Variants in MATN2 observed in about 807,000 individuals in gnomAD.
The protein encoded by MATN2 is matrilin 2.
MATN2 carries 69 observed loss-of-function variants against 103.2 expected under a neutral mutation model. That is an observed-to-expected ratio of 0.67 (90% CI 0.55 to 0.82). The LOEUF is 0.82. MATN2 is among the 40% of genes least tolerant of loss of function. The pLI is 0.00. For missense variants in MATN2, 1,023 were observed against 1,211.5 expected (o/e 0.84, Z 2.31); for synonymous variants, 429 against 450.2 (o/e 0.95, Z 0.60).
intron 5 of MATN2, among the ~76,000 whole-genome samples, chr8:97,969,232 C>T (rs1811580818): frequency 6.6e-6 from 1 of 152,160 alleles, no homozygotes; most frequent in Non-Finnish European, 1.5e-5. Context: ...CCCTGTGATC[C>T]AATACTTCCC....
At chr8:97,976,915 G>C (rs866998514) in intron 5 of MATN2, among the ~76,000 whole-genome samples, 9 of 151,900 alleles carry the variant, frequency 5.9e-5, no homozygotes, top group African/African-American at 1.7e-4. Flanking sequence ...GGTTTGTTTG[G>C]CTTCACCAAG....
chr8:97,964,190 C>T (rs1007872924), intron 5 of MATN2, among the ~76,000 whole-genome samples: 3 of 152,148 alleles, frequency 2.0e-5, no homozygotes, highest in African/African-American at 7.2e-5. Flanking sequence ...GAGACTGTTA[C>T]AGTGAAAAGG....
intron 6 of MATN2, among the ~76,000 whole-genome samples, chr8:97,981,658 C>T (rs550835248): frequency 2.0e-5 from 3 of 152,286 alleles, no homozygotes; most frequent in Non-Finnish European, 4.4e-5. Context: ...TGCTGCCTTG[C>T]AGGGATGAGG....
chr8:97,939,196 T>C (rs542217965), intron 3 of MATN2, among the ~76,000 whole-genome samples: 11 of 152,186 alleles, frequency 7.2e-5, no homozygotes, highest in Non-Finnish European at 1.3e-4. Flanking sequence ...GTATTTGATA[T>C]ATACCATTGA....
At chr8:97,934,223 A>T (rs1223306862) in intron 3 of MATN2, among the ~76,000 whole-genome samples, 2 of 152,130 alleles carry the variant, frequency 1.3e-5, no homozygotes, top group Admixed American at 6.6e-5. Context: ...AGAGGAGCTG[A>T]CTCTAGTTGT....
chr8:97,977,428 C>T (rs910907401), intron 5 of MATN2, among the ~76,000 whole-genome samples: 1 of 151,864 alleles, frequency 6.6e-6, no homozygotes, highest in African/African-American at 2.4e-5. Flanking sequence ...ACCCTATTTC[C>T]AAATAAGGCC....
At chr8:98,012,431 C>G (rs970614339) in intron 10 of MATN2, among the ~76,000 whole-genome samples, 12 of 152,068 alleles carry the variant, frequency 7.9e-5, no homozygotes, top group African/African-American at 2.7e-4. Context: ...CTCCCCTAGT[C>G]TAGAGAAAGA....
At chr8:97,928,400 G>A (rs1563672590) in intron 2 of MATN2, among the ~76,000 whole-genome samples, 1 of 151,812 alleles carries the variant, frequency 6.6e-6, no homozygotes, top group Non-Finnish European at 1.5e-5. Flanking sequence ...CTAATTTTTT[G>A]TATTTTTAGT....
At chr8:97,955,946 T>C (rs1259989421) in intron 4 of MATN2, among the ~76,000 whole-genome samples, 1 of 152,312 alleles carries the variant, frequency 6.6e-6, no homozygotes, top group East Asian at 1.9e-4. Context: ...GGCTCTGAGA[T>C]GTCATTGTGT....
rs756234119 is a variant in MATN2 at position 98,027,849 on chromosome 8, C to T, written c.2356+20C>T. 4.6e-6 allele frequency: 7 copies of T among 1,526,012 alleles called. No individual in the cohort carries two copies. Among genetic ancestry groups the T allele is most frequent in the African/African-American group, 1.4e-5 (1 of 71,876 alleles). The allele number at this position is 1,526,012 out of a possible 1,614,324, so 94.5% of individuals were successfully genotyped here. A position where few individuals can be genotyped will look rare whatever the true frequency, so the allele number is the denominator to read the frequency against. On this transcript the variant is annotated intron_variant, in intron 14 of 18. Coordinates refer to ENST00000254898, the MANE Select transcript of MATN2 (RefSeq NM_002380.5). ...CCAATGGTAATATGGGGTGGAGGTGCGGTTTACACCACTCAAGGTTCAGGT... is the reference window on the plus strand; with the variant it reads ...CCAATGGTAATATGGGGTGGAGGTGTGGTTTACACCACTCAAGGTTCAGGT...
At chr8:97,900,149 C>A (rs1412005604) in intron 2 of MATN2, among the ~76,000 whole-genome samples, 3 of 152,154 alleles carry the variant, frequency 2.0e-5, no homozygotes, top group Admixed American at 2.0e-4. Context: ...CCAGGGGAGG[C>A]TGATTTATAG....
In MATN2 at chr8:97,972,572, A is replaced by G. The variant is rs112531266; in HGVS notation, c.959-6314A>G. Among the ~76,000 whole-genome samples, 1,273 of 152,308 alleles carry G rather than the reference A, an allele frequency of 8.4e-3. 17 individuals are homozygous for G. Among genetic ancestry groups the G allele is most frequent in the African/African-American group, 0.028 (1,183 of 41,564 alleles). ...TTTAAACTCCAAATGCTCCTCTTTA[A>G]AATATACTATTTCTGCTAATGCCAT... is the stretch of plus-strand genomic sequence containing the variant. On this transcript the variant is annotated intron_variant, in intron 5 of 18. Transcript: ENST00000254898.
At chr8:98,016,686 CCTA>C in intron 11 of MATN2, 24 bp downstream of exon 11, 3 of 1,605,702 alleles carry the variant, frequency 1.9e-6, no homozygotes, top group Non-Finnish European at 2.6e-6. Flanking sequence ...GGAGCTGGCT[CCTA>C]CTACTATGCC....
rs750829805 is a variant in MATN2, at chr8:98,021,239, C to T, written c.1854C>T (p.Cys618=). 41 of 1,613,376 alleles carry T rather than the reference C, an allele frequency of 2.5e-5. No individual in the cohort carries two copies. The African/African-American group carries it at 3.3e-4, about 13-fold the overall frequency. ...KDVCKSTHHG[C]EHICVNNGNS... ...TCTGCAAATCAACCCACCATGGCTG[C>T]GAACACATTTGTGTTAATAATGGGA... The change falls in exon 13 of 19, where the codon TGC becomes TGT. Residue 618 remains cysteine (C), a synonymous_variant. Transcript: ENST00000254898.
Position 98,027,594 on chromosome 8 carries a change from C to G in MATN2, c.2121C>G (p.Phe707Leu). 6.2e-7 allele frequency: 1 copy of G among 1,613,858 alleles called. No homozygotes were observed. Among genetic ancestry groups the G allele is most frequent in the Non-Finnish European group, 8.5e-7 (1 of 1,179,816 alleles). Residue 707 changes from phenylalanine to leucine, a missense_variant, in exon 14 of 19, where the codon TTC becomes TTG. By Grantham distance (22) the Phe-to-Leu change is conservative. Coordinates refer to ENST00000254898, the MANE Select transcript of MATN2 (RefSeq NM_002380.5). ...LQYSTQVHTE[F>L]TLRNFNSAKD... is the part of the protein sequence containing the mutation. The stretch of plus-strand genomic sequence containing the variant: ...ATTCCACACAGGTCCACACAGAGTT[C>G]ACTCTGAGAAACTTCAACTCAGCCA...
intron 2 of MATN2, among the ~76,000 whole-genome samples, chr8:97,906,207 A>G (rs754735630): frequency 2.0e-4 from 30 of 152,210 alleles, no homozygotes; most frequent in Non-Finnish European, 3.8e-4. Flanking sequence ...TGTTATTTTC[A>G]TTAAAAAATA....
At chr8:97,911,887 T>A (rs1809456180) in intron 2 of MATN2, among the ~76,000 whole-genome samples, 1 of 152,112 alleles carries the variant, frequency 6.6e-6, no homozygotes, top group Non-Finnish European at 1.5e-5. Flanking sequence ...CAATAAAGGC[T>A]TATTTGACTC....
At chr8:97,924,134 C>T (rs909934740) in intron 2 of MATN2, among the ~76,000 whole-genome samples, 1 of 152,182 alleles carries the variant, frequency 6.6e-6, no homozygotes, top group African/African-American at 2.4e-5. Context: ...CCTGATTCAT[C>T]GTTCTCGTTT....
At chr8:98,017,869 T>A in intron 11 of MATN2, 125 bp from the exon 12 acceptor site, 1 of 1,026,708 alleles carries the variant, frequency 9.7e-7, no homozygotes, top group Non-Finnish European at 1.5e-6. Context: ...TCCTGCCCCA[T>A]GGACCACTGA....
Sources: gnomAD v4.1 joint callset for allele counts (sites outside exome capture counted in the v4.1 genomes callset) on GRCh38, gnomAD v4.1.1 for gene constraint, MANE v1.5 for transcripts, NCBI Gene and HGNC (gene_info 2026-07-23, HGNC 2026-07-21) for gene names.